TCF4: variants seen among roughly 807,000 people sequenced by gnomAD.
TCF4 encodes the protein SL3-3 enhancer factor 2.
A neutral mutation model predicts 82.1 loss-of-function variants in TCF4; 3 were observed. The ratio of observed to expected loss-of-function variants is 0.04; its 90% CI spans 0.02 to 0.09. The LOEUF is 0.09. Among genes scored for constraint, TCF4 ranks in the 10% least tolerant of loss-of-function variants. The probability of loss-of-function intolerance (pLI) is 1.00; values close to 1 mark genes in which losing one functional copy is unlikely to be tolerated. For synonymous variants in TCF4, 276 were observed against 309.6 expected (o/e 0.89, Z 1.14); for missense variants, 518 against 852.7 (o/e 0.61, Z 4.89).
chr18:55,248,377 TTATCAACTG>T (rs2053958790), intron 15 of TCF4, among the ~76,000 whole-genome samples: 1 of 152,244 alleles, frequency 6.6e-6, no homozygotes, highest in South Asian at 2.1e-4. Context: ...TTTATCAACT[TTATCAACTG>T]AAGATGCTGA....
At chr18:55,563,799 C>T (rs1273243461) in intron 3 of TCF4, among the ~76,000 whole-genome samples, 1 of 152,180 alleles carries the variant, frequency 6.6e-6, no homozygotes, top group Non-Finnish European at 1.5e-5. Context: ...TTTTATCCAG[C>T]AATAAATACT....
chr18:55,329,504 T>C (rs1333767281), intron 8 of TCF4, among the ~76,000 whole-genome samples: 1 of 152,204 alleles, frequency 6.6e-6, no homozygotes, highest in African/African-American at 2.4e-5. Flanking sequence ...TTCTGGGTTT[T>C]CATTAAATAA....
At chr18:55,373,749 G>A (rs1447206143) in intron 6 of TCF4, among the ~76,000 whole-genome samples, 1 of 152,000 alleles carries the variant, frequency 6.6e-6, no homozygotes, top group Non-Finnish European at 1.5e-5. Context: ...GGAGCCGGAG[G>A]TTGCACTGAG....
chr18:55,292,623 T>G (rs182665824), intron 8 of TCF4, among the ~76,000 whole-genome samples: 1 of 152,280 alleles, frequency 6.6e-6, no homozygotes, highest in African/African-American at 2.4e-5. Flanking sequence ...TTAAAGTAGA[T>G]AGTTCTTTGT....
At chr18:55,345,498 C>T (rs1447232059) in intron 8 of TCF4, among the ~76,000 whole-genome samples, 2 of 152,126 alleles carry the variant, frequency 1.3e-5, no homozygotes, top group Non-Finnish European at 2.9e-5. Context: ...TCTTAACCTC[C>T]TTCTTGCCTA....
At chr18:55,386,704 T>G (rs2092637610) in intron 6 of TCF4, among the ~76,000 whole-genome samples, 2 of 152,204 alleles carry the variant, frequency 1.3e-5, no homozygotes, top group Non-Finnish European at 2.9e-5. Flanking sequence ...CTCTTCCCCA[T>G]GCACAGCCTC....
At chr18:55,389,230 CACAT>C (rs1470786418) in intron 6 of TCF4, among the ~76,000 whole-genome samples, 1 of 152,182 alleles carries the variant, frequency 6.6e-6, no homozygotes, top group African/African-American at 2.4e-5. Flanking sequence ...GTTACATGCT[CACAT>C]ACAATTTCTT....
intron 3 of TCF4, among the ~76,000 whole-genome samples, chr18:55,464,489 C>CA (rs2095960251): frequency 6.6e-6 from 1 of 151,992 alleles, no homozygotes; most frequent in Admixed American, 6.6e-5. Context: ...AACTTTAATG[C>CA]AAAAAAAGTT....
intron 3 of TCF4, 135 bp from the exon 4 acceptor site, chr18:55,464,272 A>G: frequency 2.6e-6 from 2 of 775,612 alleles, no homozygotes; most frequent in Non-Finnish European, 4.5e-6. Context: ...TACCATGATG[A>G]TAGTGGCTTC....
intron 3 of TCF4, among the ~76,000 whole-genome samples, chr18:55,538,902 AT>A (rs2146909251): frequency 6.6e-6 from 1 of 152,288 alleles, no homozygotes; most frequent in Non-Finnish European, 1.5e-5. Flanking sequence ...CGTATTTAAT[AT>A]TACACTCAGA....
chr18:55,510,614 A>C (rs541661172), intron 3 of TCF4: 2 of 1,517,308 alleles, frequency 1.3e-6, no homozygotes, highest in African/African-American at 2.8e-5. Flanking sequence ...AGGAAGTAAT[A>C]AATTCCCCCA....
At chr18:55,585,517 A>G in intron 2 of TCF4, 165 bp from the exon 3 acceptor site, 1 of 712,532 alleles carries the variant, frequency 1.4e-6, no homozygotes, top group South Asian at 1.8e-5. Flanking sequence ...AAACAACATT[A>G]CAGATCCCAC....
intron 8 of TCF4, among the ~76,000 whole-genome samples, chr18:55,319,481 G>T (rs546182022): frequency 5.3e-4 from 80 of 152,250 alleles, no homozygotes; most frequent in Middle Eastern, 3.4e-3. Flanking sequence ...GCCATCCGCA[G>T]TTTCAAAAGC....
chr18:55,284,478 TG>T (rs2063283375), intron 8 of TCF4: 1 of 152,046 alleles, frequency 6.6e-6, no homozygotes, highest in African/African-American at 2.4e-5. Flanking sequence ...ATCAAGTACT[TG>T]TTAAGTAACC....
upstream of TCF4, among the ~76,000 whole-genome samples, chr18:55,593,289 AATACCTTAC>A (rs1288055542): frequency 5.9e-5 from 9 of 152,220 alleles, no homozygotes; most frequent in African/African-American, 2.2e-4. Flanking sequence ...AACTATCTTA[AATACCTTAC>A]ATGACTGGTT....
intron 3 of TCF4, among the ~76,000 whole-genome samples, chr18:55,564,937 T>A (rs1442068666): frequency 1.3e-5 from 2 of 152,080 alleles, no homozygotes; most frequent in Non-Finnish European, 2.9e-5. Flanking sequence ...TGATAACAAC[T>A]CAGTCTGATT....
intron 8 of TCF4, among the ~76,000 whole-genome samples, chr18:55,298,757 C>T (rs1435338420): frequency 6.6e-6 from 1 of 152,058 alleles, no homozygotes; most frequent in Non-Finnish European, 1.5e-5. Context: ...AACACTTATC[C>T]CATTGTATGA....
chr18:55,600,440 G>A (rs185337310), intron 2 of TCF4, among the ~76,000 whole-genome samples: 17 of 152,192 alleles, frequency 1.1e-4, no homozygotes, highest in Admixed American at 2.6e-4. Context: ...ACCTCTAAAG[G>A]GCCAGTACTG....
intron 5 of TCF4, among the ~76,000 whole-genome samples, chr18:55,457,338 CAT>C: frequency 6.6e-6 from 1 of 152,216 alleles, no homozygotes; most frequent in Non-Finnish European, 1.5e-5. Context: ...TAGCATGATA[CAT>C]ACATTGTGTG....
Sources: allele counts gnomAD v4.1 joint callset (sites outside exome capture counted in the v4.1 genomes callset), GRCh38; gene constraint gnomAD v4.1.1; transcripts MANE v1.5; gene names NCBI Gene and HGNC (gene_info 2026-07-23, HGNC 2026-07-21).